The following ALPK1 variants were observed in gnomAD, a reference collection of about 807,000 sequenced individuals.
The protein encoded by ALPK1 is alpha-protein kinase 1.
Under a neutral mutation model 120.6 loss-of-function variants are expected in ALPK1, and 110 were observed. The observed-to-expected ratio is 0.91, with a 90% CI of 0.78 to 1.07. ALPK1 has a LOEUF of 1.07. Among genes scored for constraint, ALPK1 ranks in the 50% least tolerant of loss-of-function variants. The probability of loss-of-function intolerance (pLI) is 0.00; values close to 1 mark genes in which losing one functional copy is unlikely to be tolerated. For synonymous variants in ALPK1, 582 were observed against 560.3 expected (o/e 1.04, Z -0.55); for missense variants, 1,498 against 1,483.9 (o/e 1.01, Z -0.16).
chr4:112,432,466 C>T lies in ALPK1; in HGVS notation c.2919C>T (p.Arg973=). ...TGAGGAAAGAGATCCTTGAGGCTCG[C>T]ACCTTGCAACCTGATGACTTTGAAA... The part of the protein sequence containing the change: ...GKMRKEILEA[R]TLQPDDFEKL... Residue 973 remains arginine, a synonymous_variant, in exon 11 of 16, where the codon CGC becomes CGT. Transcript: ENST00000650871. 3 of 1,614,178 alleles carry T rather than the reference C, an allele frequency of 1.9e-6. No homozygotes were observed. The highest frequency in any genetic ancestry group is 2.2e-5 in the East Asian group (1 of 44,882).
intron 2 of ALPK1, among the ~76,000 whole-genome samples, chr4:112,324,734 C>T (rs1578465431): frequency 6.6e-6 from 1 of 152,206 alleles, no homozygotes; most frequent in Admixed American, 6.5e-5. Context: ...GCCTCAGCCT[C>T]CCAAAATGTT....
intron 2 of ALPK1, among the ~76,000 whole-genome samples, chr4:112,321,770 C>T (rs1004507133): frequency 1.3e-5 from 2 of 152,104 alleles, no homozygotes; most frequent in Admixed American, 6.5e-5. Context: ...AAATGAAATT[C>T]AAATACGAGT....
chr4:112,326,977 C>T (rs1476713421), intron 2 of ALPK1, among the ~76,000 whole-genome samples: 1 of 152,188 alleles, frequency 6.6e-6, no homozygotes, highest in Non-Finnish European at 1.5e-5. Context: ...CTGCCTGTAC[C>T]CTCAGTCACT....
At chr4:112,350,530 C>A (rs1403403141) in intron 2 of ALPK1, among the ~76,000 whole-genome samples, 1 of 152,234 alleles carries the variant, frequency 6.6e-6, no homozygotes, top group Admixed American at 6.5e-5. Flanking sequence ...GTAGCACAGA[C>A]TAAATGGTCA....
chr4:112,318,543 G>T (rs746194658), intron 2 of ALPK1, among the ~76,000 whole-genome samples: 21 of 152,228 alleles, frequency 1.4e-4, no homozygotes, highest in Non-Finnish European at 2.2e-4. Flanking sequence ...GAAGACTGGA[G>T]TATATGCAAC....
chr4:112,343,332 A>G (rs1017085697), intron 2 of ALPK1: 1 of 152,208 alleles, frequency 6.6e-6, no homozygotes, highest in African/African-American at 2.4e-5. Context: ...AGTAAATGCC[A>G]TTTTGAAGAA....
In ALPK1 at chr4:112,441,827, G is replaced by C. The variant is rs2148769612; in HGVS notation, c.*617G>C. On this transcript the variant is annotated 3_prime_UTR_variant, in exon 16 of 16. Transcript: ENST00000650871. The stretch of plus-strand genomic sequence containing the variant: ...CTGTAAAAAGTAAGATGGAAGAGTG[G>C]TACAGTTTTCTTTATCCAGTCTGTC... 2 of 152,686 alleles carry C rather than the reference G, an allele frequency of 1.3e-5. No individual in the cohort carries two copies. Among genetic ancestry groups the C allele is most frequent in the Middle Eastern group, 6.8e-3 (2 of 294 alleles). 9.5% of individuals were successfully genotyped at this position (152,686 alleles called of 1,614,324 possible).
chr4:112,318,313 C>T (rs1247364825), intron 2 of ALPK1, among the ~76,000 whole-genome samples: 1 of 152,182 alleles, frequency 6.6e-6, no homozygotes, highest in African/African-American at 2.4e-5. Flanking sequence ...TGAACCTTTA[C>T]TTGCTTATTA....
intron 3 of ALPK1, among the ~76,000 whole-genome samples, 168 bp downstream of exon 3, chr4:112,378,066 C>T (rs534632929): frequency 4.6e-5 from 7 of 151,578 alleles, no homozygotes; most frequent in South Asian, 2.1e-4. Flanking sequence ...TGCGGGCGGA[C>T]GGGCAGGGGA....
chr4:112,436,705 CA>C (rs1399152695), intron 12 of ALPK1, among the ~76,000 whole-genome samples: 2 of 152,186 alleles, frequency 1.3e-5, no homozygotes, highest in African/African-American at 4.8e-5. Flanking sequence ...ATGATGGCCC[CA>C]TTGGAACTTT....
rs1731746830 is a variant in ALPK1, at chr4:112,378,053, G to C, written c.121+155G>C. Among the ~76,000 whole-genome samples, 3 of 151,752 alleles carry C rather than the reference G, an allele frequency of 2.0e-5. No individual in the cohort carries two copies. The South Asian group carries it at 6.2e-4, about 32-fold the overall frequency. On this transcript the variant is annotated intron_variant, in intron 3 of 15. Transcript: ENST00000650871. ...ATTTCTAGGGCATGAATGGGACATG[G>C]GCTGCGGGCGGACGGGCAGGGGAGG... is the stretch of plus-strand genomic sequence containing the variant.
At chr4:112,374,495 C>G (rs1015111189) in intron 2 of ALPK1, among the ~76,000 whole-genome samples, 6 of 152,198 alleles carry the variant, frequency 3.9e-5, no homozygotes, top group African/African-American at 1.4e-4. Flanking sequence ...TTTTGCCCCT[C>G]TCCCATGAAT....
chr4:112,440,701 C>T (rs1477519663), intron 14 of ALPK1, among the ~76,000 whole-genome samples: 1 of 151,916 alleles, frequency 6.6e-6, no homozygotes, highest in Non-Finnish European at 1.5e-5. Flanking sequence ...TATAACTGCC[C>T]AATATTTAAT....
intron 2 of ALPK1, among the ~76,000 whole-genome samples, chr4:112,371,712 G>T (rs1415384143): frequency 1.3e-5 from 2 of 152,158 alleles, no homozygotes; most frequent in Non-Finnish European, 2.9e-5. Flanking sequence ...TCAGGAATTG[G>T]TGTTGCAAGT....
chr4:112,367,122 A>C (rs1731197302), intron 2 of ALPK1, among the ~76,000 whole-genome samples: 2 of 152,224 alleles, frequency 1.3e-5, no homozygotes, highest in Non-Finnish European at 2.9e-5. Flanking sequence ...GATGGGGTTC[A>C]CCTAAATCTC....
In ALPK1 at chr4:112,423,977, G is replaced by T. The variant is rs1383712127; in HGVS notation, c.509G>T (p.Ser170Ile). 1 of 1,613,966 alleles carries T rather than the reference G, an allele frequency of 6.2e-7. No homozygotes were observed. The highest frequency in any genetic ancestry group is 1.7e-5 in the Admixed American group (1 of 60,014). ...TTAAAAGCAGAGTATATTCTGAGCA[G>T]TCTAATAAGCAACAATGGAGCAACG... is the stretch of plus-strand genomic sequence containing the variant. The part of the protein sequence containing the change: ...KLLKAEYILS[S>I]LISNNGATGT... The change falls in exon 6 of 16, where the codon AGT becomes ATT. Residue 170 changes from serine to isoleucine, a missense_variant. By Grantham distance (142) the Ser-to-Ile change is moderately radical. Coordinates refer to ENST00000650871, the MANE Select transcript of ALPK1 (RefSeq NM_025144.4).
chr4:112,309,995 A>G (rs1728322900), intron 1 of ALPK1, among the ~76,000 whole-genome samples: 1 of 152,098 alleles, frequency 6.6e-6, no homozygotes. Context: ...TCATCTCTGT[A>G]CACAACTAGC....
At chr4:112,355,665 GGA>G (rs1730570708) in intron 2 of ALPK1, among the ~76,000 whole-genome samples, 2 of 152,220 alleles carry the variant, frequency 1.3e-5, no homozygotes, top group African/African-American at 4.8e-5. Context: ...TGTGGGCGAT[GGA>G]AGTGAGGTTC....
intron 11 of ALPK1, 128 bp from the exon 12 acceptor site, chr4:112,435,020 A>C (rs1734727927): frequency 3.4e-6 from 3 of 875,388 alleles, no homozygotes; most frequent in Non-Finnish European, 5.4e-6. Context: ...GATGAAAATT[A>C]GAGAAAAGTG....
Sources: allele counts gnomAD v4.1 joint callset (sites outside exome capture counted in the v4.1 genomes callset), GRCh38; gene constraint gnomAD v4.1.1; transcripts MANE v1.5; gene names NCBI Gene and HGNC (gene_info 2026-07-23, HGNC 2026-07-21).